MXRA5: variants seen among roughly 807,000 people sequenced by gnomAD.
MXRA5 encodes the protein matrix-remodeling-associated protein 5.
In MXRA5, 41 loss-of-function variants were observed where a neutral mutation model predicts 112.5. The ratio of observed to expected loss-of-function variants is 0.36; its 90% CI spans 0.28 to 0.47. The LOEUF is 0.47. Among genes scored for constraint, MXRA5 ranks in the 20% least tolerant of loss-of-function variants. The pLI is 0.99. For synonymous variants in MXRA5, 862 were observed against 900.8 expected, an observed-to-expected ratio of 0.96 and a Z score of 0.77; for missense variants, 2,150 against 2,251.0, an observed-to-expected ratio of 0.96 and a Z score of 0.91.
Position 3,308,872 on chromosome X carries a change from C to T in MXRA5, c.*844G>A, listed in dbSNP as rs1307734070. The T allele has an allele frequency of 8.9e-6, 1 of 111,748 alleles. No individual in the cohort carries two copies. The highest frequency in any genetic ancestry group is 3.3e-5 in the African/African-American group (1 of 30,697). The allele number at this position is 111,748 out of a possible 1,213,427, so 9.2% of individuals were successfully genotyped here. ...TTGCATACAAGGAAATCTAATATCGCAGCCTTCCCCACTGGAGGGTTCCTG... is the reference window on the plus strand; with the variant it reads ...TTGCATACAAGGAAATCTAATATCGTAGCCTTCCCCACTGGAGGGTTCCTG... On this transcript the variant is annotated 3_prime_UTR_variant, in exon 7 of 7. Transcript: ENST00000217939.
At position 3,324,299 on chromosome X, in the gene MXRA5, T is replaced by C. The variant is rs1206239473; in HGVS notation, c.1386A>G (p.Thr462=). ...LLSYYTQYSQ[T]ISTKDTRQAR... ...CCTGCCTTGTATCTTTGGTGGATATTGTTTGAGAATACTGGGTGTAGTAGG... is the reference window on the plus strand; with the variant it reads ...CCTGCCTTGTATCTTTGGTGGATATCGTTTGAGAATACTGGGTGTAGTAGG... The change falls in exon 5 of 7, where the codon ACA becomes ACG. Residue 462 remains threonine, a synonymous_variant. Coordinates refer to ENST00000217939, the MANE Select transcript of MXRA5 (RefSeq NM_015419.4). The C allele has an allele frequency of 4.1e-6, 5 of 1,211,704 alleles. No individual in the cohort carries two copies. The highest frequency in any genetic ancestry group is 1.7e-5 in the African/African-American group (1 of 57,778).
intron 2 of MXRA5, among the ~76,000 whole-genome samples, chrX:3,337,758 G>A (rs867301213): frequency 9.8e-5 from 11 of 111,722 alleles, no homozygotes; most frequent in Middle Eastern, 4.6e-3. Context: ...CCATGACCAG[G>A]TGTGGCAGTA....
chrX:3,337,728 G>A (rs5939183), intron 2 of MXRA5, among the ~76,000 whole-genome samples: 18,640 of 111,292 alleles, frequency 0.17, 1,982 homozygotes, highest in African/African-American at 0.38. Flanking sequence ...ATCCTGCAGA[G>A]ATATTGAGGG....
Position 3,343,848 on chromosome X carries a change from T to C in MXRA5, c.-15A>G, listed in dbSNP as rs372292648. On this transcript the variant is annotated 5_prime_UTR_variant, in exon 2 of 7. Coordinates refer to ENST00000217939, the MANE Select transcript of MXRA5 (RefSeq NM_015419.4). ...CGCTTGGGCATCTTGTCGGGGTGCC[T>C]GATTCTCGGATACCTGAGGTAGAAC... is the stretch of plus-strand genomic sequence containing the variant. The C allele has an allele frequency of 3.7e-4, 439 of 1,191,053 alleles. 1 individual carries two copies. In the African/African-American group the frequency reaches 7.2e-3, roughly 20 times the overall value.
At chrX:3,313,255 A>ATTTGTT (rs1169857371) in intron 6 of MXRA5, among the ~76,000 whole-genome samples, 2 of 111,916 alleles carry the variant, frequency 1.8e-5, no homozygotes, top group Non-Finnish European at 1.9e-5. Flanking sequence ...AAGCTCTGAT[A>ATTTGTT]TTTGTTTTTG....
At chrX:3,335,431 A>G (rs1163967795) in intron 2 of MXRA5, among the ~76,000 whole-genome samples, 1 of 112,277 alleles carries the variant, frequency 8.9e-6, no homozygotes, top group Admixed American at 9.4e-5. Flanking sequence ...TCCTGACCTC[A>G]GGTGATCTGC....
rs1921304620 is a variant in MXRA5, at chrX:3,321,515, C to T, written c.4170G>A (p.Arg1390=). 1 of 1,208,822 alleles carries T rather than the reference C, an allele frequency of 8.3e-7. No individual in the cohort carries two copies. Among genetic ancestry groups the T allele is most frequent in the African/African-American group, 1.8e-5 (1 of 57,119 alleles). ...TGGTAACAGGTATGCCTGTCTGTAGCCTCCCAGGCTGGGCCGTCCTTGAGG... is the reference window on the plus strand; with the variant it reads ...TGGTAACAGGTATGCCTGTCTGTAGTCTCCCAGGCTGGGCCGTCCTTGAGG... The part of the protein sequence containing the change: ...WNPSRTAQPG[R]LQTGIPVTTS... Residue 1390 remains arginine, a synonymous_variant, in exon 5 of 7, where the codon AGG becomes AGA. Transcript: ENST00000217939.
rs1416549070 is a variant in MXRA5, at chrX:3,332,748, G to T, written c.189-1975C>A. ...AGTGGTTCTCTCTTCTTGATTACAT[G>T]ATATTTTTCACTCTTCTTTTTAGTG... On this transcript the variant is annotated intron_variant, in intron 2 of 6. Coordinates refer to ENST00000217939, the MANE Select transcript of MXRA5 (RefSeq NM_015419.4). Among the ~76,000 whole-genome samples the T allele has an allele frequency of 3.6e-5, 4 of 111,677 alleles. No homozygotes were observed. The Admixed American group carries it at 3.8e-4, about 11-fold the overall frequency.
At chrX:3,317,080 G>A (rs773432124) in intron 6 of MXRA5, 23 bp downstream of exon 6, 1 of 1,117,359 alleles carries the variant, frequency 8.9e-7, no homozygotes, top group Non-Finnish European at 1.2e-6. Context: ...GCGATTTACA[G>A]GAAGCCACGC....
In MXRA5 at chrX:3,309,962, G is replaced by A. The variant is rs765904611; in HGVS notation, c.8241C>T (p.Pro2747=). The change falls in exon 7 of 7, where the codon CCC becomes CCT. Residue 2747 remains proline, a synonymous_variant. Transcript: ENST00000217939. The part of the protein sequence containing the change: ...SEPTPVIYTR[P]GNTVKLNCMA... ...TGCAGTTCAGTTTCACGGTGTTCCC[G>A]GGCCGGGTGTAGATGACCGGGGTGG... is the stretch of plus-strand genomic sequence containing the variant. 8.3e-6 allele frequency: 10 copies of A among 1,211,376 alleles called. No homozygotes were observed. In the East Asian group the frequency reaches 1.8e-4, roughly 21 times the overall value.
rs1172123321 is a variant in MXRA5 at position 3,310,598 on chromosome X, G to A, written c.7605C>T (p.Val2535=). The stretch of plus-strand genomic sequence containing the variant: ...AGATGGGTTTCTCCATGGGCTCCAG[G>A]ACAGTGAGCTGCAGGATCAACCTGG... ...GEARLILQLT[V]LEPMEKPIFH... The change falls in exon 7 of 7, where the codon GTC becomes GTT. Residue 2535 remains valine, a synonymous_variant. Transcript: ENST00000217939. 1 of 910,379 alleles carries A rather than the reference G, an allele frequency of 1.1e-6. No homozygotes were observed. Among genetic ancestry groups the A allele is most frequent in the African/African-American group, 2.1e-5 (1 of 47,916 alleles). 75.0% of individuals were successfully genotyped at this position (910,379 alleles called of 1,213,427 possible).
intron 4 of MXRA5, among the ~76,000 whole-genome samples, chrX:3,328,460 GTA>G (rs765028334): frequency 3.3e-4 from 37 of 111,853 alleles, no homozygotes; most frequent in Non-Finnish European, 6.2e-4. Context: ...GTGCAAATGT[GTA>G]TCTTATCCTA....
At chrX:3,325,028 C>T in intron 4 of MXRA5, 53 bp from the exon 5 acceptor site, 1 of 1,108,032 alleles carries the variant, frequency 9.0e-7, no homozygotes. Flanking sequence ...GAATGGCATG[C>T]CTTGCACATG....
At chrX:3,332,993 C>T (rs1437754704) in intron 2 of MXRA5, among the ~76,000 whole-genome samples, 2 of 111,015 alleles carry the variant, frequency 1.8e-5, no homozygotes, top group African/African-American at 3.3e-5. Flanking sequence ...CTTTCCACAG[C>T]AGAAACTGAG....
rs752311342 is a variant in MXRA5, at chrX:3,317,102, C to A, written c.6578+1G>T. The A allele has an allele frequency of 7.8e-6, 9 of 1,151,623 alleles. No individual in the cohort carries two copies. Among genetic ancestry groups the A allele is most frequent in the Non-Finnish European group, 1.0e-5 (9 of 864,735 alleles). 94.9% of individuals were successfully genotyped at this position (1,151,623 alleles called of 1,213,427 possible). ...ACAGGAAGCCACGCAGAGCTGCCTA[C>A]CTGAAGAGCGCGTCGATCATCCTCT... On this transcript the variant is annotated splice_donor_variant, in intron 6 of 6. Transcript: ENST00000217939. LOFTEE classifies it high-confidence loss of function.
In MXRA5 at chrX:3,310,771, A is replaced by C; in HGVS notation, c.7432T>G (p.Trp2478Gly). 1 of 1,206,733 alleles carries C rather than the reference A, an allele frequency of 8.3e-7. No individual in the cohort carries two copies. The highest frequency in any genetic ancestry group is 1.1e-6 in the Non-Finnish European group (1 of 893,350). ...AEGIPTPRVLWAFPEGVVLPA... is the reference protein window; with the variant it reads ...AEGIPTPRVLGAFPEGVVLPA... ...AGAACCACACCCTCGGGAAAAGCCC[A>C]TAACACCCTCGGGGTGGGGATGCCT... The change falls in exon 7 of 7, where the codon TGG (tryptophan) becomes GGG (glycine). Residue 2478 changes from tryptophan to glycine, a missense_variant. Physicochemically the swap from Trp to Gly is radical, Grantham distance 184 (BLOSUM62 -2). This residue lies in a region of MXRA5 where 93 missense variants were observed against 135.5 expected (regional missense o/e 0.69). Coordinates refer to ENST00000217939, the MANE Select transcript of MXRA5 (RefSeq NM_015419.4).
rs774060125 is a variant in MXRA5, at chrX:3,320,995, C to A, written c.4690G>T (p.Asp1564Tyr). 9.9e-6 allele frequency: 12 copies of A among 1,210,319 alleles called. 1 individual carries two copies. The Admixed American group carries it at 1.7e-4, about 18-fold the overall frequency. Residue 1564 changes from aspartate (D) to tyrosine (Y), a missense_variant, in exon 5 of 7, where the codon GAC becomes TAC. Transcript: ENST00000217939. ...GTAGACAAGTTAAATGCATCCTGGTCGGAAGAGGGTGTTGATAATTCATTT... is the reference window on the plus strand; with the variant it reads ...GTAGACAAGTTAAATGCATCCTGGTAGGAAGAGGGTGTTGATAATTCATTT... ...GPNELSTPSS[D>Y]QDAFNLSTKL...
At position 3,323,077 on chromosome X, in the gene MXRA5, T is replaced by C; in HGVS notation, c.2608A>G (p.Asn870Asp). 5.0e-6 allele frequency: 6 copies of C among 1,211,497 alleles called. No homozygotes were observed. The highest frequency in any genetic ancestry group is 6.7e-6 in the Non-Finnish European group (6 of 895,490). The change falls in exon 5 of 7, where the codon AAT becomes GAT. Residue 870 changes from asparagine (N) to aspartate (D), a missense_variant. Coordinates refer to ENST00000217939, the MANE Select transcript of MXRA5 (RefSeq NM_015419.4). ...TCAGGTTCAACAAGAATAACTCCAT[T>C]GTGGTTGTGTTCTAGCCCCATGCTG... ...SASMGLEHNHNGVILVEPEVT... is the reference protein window; with the variant it reads ...SASMGLEHNHDGVILVEPEVT...
intron 6 of MXRA5, among the ~76,000 whole-genome samples, chrX:3,312,903 C>CT (rs1444320002): frequency 8.9e-6 from 1 of 111,925 alleles, no homozygotes; most frequent in African/African-American, 3.3e-5. Context: ...GTCTAAGACA[C>CT]TGTCATAGAT....
Sources: gnomAD v4.1 joint callset for allele counts (sites outside exome capture counted in the v4.1 genomes callset) on GRCh38, gnomAD v4.1.1 for gene constraint, gnomAD v4.1.1 regional missense constraint, MANE v1.5 for transcripts, NCBI Gene and HGNC (gene_info 2026-07-23, HGNC 2026-07-21) for gene names.